The following FHIT variants were observed in gnomAD, a reference collection of about 807,000 sequenced individuals.
The protein encoded by FHIT is fragile histidine triad diadenosine triphosphatase, also known as bis(5'-adenosyl)-triphosphatase.
FHIT carries 19 observed loss-of-function variants against 17.9 expected under a neutral mutation model. The observed-to-expected ratio is 1.06, with a 90% CI of 0.74 to 1.56. The LOEUF is 1.56. Among genes scored for constraint, FHIT ranks in the 40% most tolerant of loss-of-function variants. FHIT has a pLI of 0.00. For synonymous variants in FHIT, 81 were observed against 69.7 expected (o/e 1.16, Z -0.81); for missense variants, 248 against 189.2 (o/e 1.31, Z -1.82).
chr3:60,569,755 A>ATATATATATATATATATATATTT, intron 4 of FHIT, among the ~76,000 whole-genome samples: 53 of 77,304 alleles, frequency 6.9e-4, no homozygotes, highest in African/African-American at 2.4e-3. Context: ...ATATATATAT[A>ATATATATATATATATATATATTT]TTTTTTTTTT....
At chr3:60,047,170 C>A (rs752209116) in intron 5 of FHIT, among the ~76,000 whole-genome samples, 6 of 152,204 alleles carry the variant, frequency 3.9e-5, no homozygotes, top group Non-Finnish European at 7.3e-5. Context: ...AGCAATACTG[C>A]CCTCTGGTTT....
At chr3:60,057,199 C>T (rs566330878) in intron 5 of FHIT, among the ~76,000 whole-genome samples, 1 of 152,262 alleles carries the variant, frequency 6.6e-6, no homozygotes, top group South Asian at 2.1e-4. Flanking sequence ...ATAAACCTTA[C>T]CACAAAACTT....
At chr3:60,773,959 C>A (rs1700131916) in intron 4 of FHIT, among the ~76,000 whole-genome samples, 1 of 152,140 alleles carries the variant, frequency 6.6e-6, no homozygotes, top group African/African-American at 2.4e-5. Context: ...TAAAACATTC[C>A]TACTGGATGG....
At chr3:59,941,006 G>A (rs1212913648) in intron 7 of FHIT, among the ~76,000 whole-genome samples, 1 of 152,134 alleles carries the variant, frequency 6.6e-6, no homozygotes, top group Non-Finnish European at 1.5e-5. Context: ...TCACGGCCAT[G>A]ATCCCAGCAT....
chr3:60,988,946 TAAAAAAAAAAAA>T (rs535898632), intron 3 of FHIT, among the ~76,000 whole-genome samples: 50 of 34,336 alleles, frequency 1.5e-3, no homozygotes, highest in Admixed American at 6.7e-3. Context: ...ATGGCTTTGT[TAAAAAAAAAAAA>T]AAAAAAAAAA....
intron 5 of FHIT, among the ~76,000 whole-genome samples, chr3:60,202,346 C>T (rs1045964455): frequency 7.6e-4 from 115 of 152,300 alleles, no homozygotes; most frequent in African/African-American, 2.7e-3. Flanking sequence ...GCATTTCCTG[C>T]AGGGGCAAAG....
intron 4 of FHIT, among the ~76,000 whole-genome samples, chr3:60,719,836 A>G (rs2041769630): frequency 1.3e-5 from 2 of 152,060 alleles, no homozygotes; most frequent in African/African-American, 4.8e-5. Context: ...CCACGCAAAT[A>G]TCCTTACCTG....
chr3:59,940,530 G>A (rs931322), intron 7 of FHIT, among the ~76,000 whole-genome samples: 64,296 of 151,858 alleles, frequency 0.42, 14,531 homozygotes, highest in East Asian at 0.89. Flanking sequence ...AACTTTGCTT[G>A]GGGAGGGAGA....
At chr3:60,159,750 G>A (rs1700855537) in intron 5 of FHIT, among the ~76,000 whole-genome samples, 1 of 152,166 alleles carries the variant, frequency 6.6e-6, no homozygotes, top group Non-Finnish European at 1.5e-5. Flanking sequence ...GGAAACTGAA[G>A]GACAAATGAG....
intron 5 of FHIT, among the ~76,000 whole-genome samples, chr3:60,409,717 G>A (rs542473685): frequency 9.2e-5 from 14 of 152,064 alleles, no homozygotes; most frequent in Non-Finnish European, 1.0e-4. Context: ...AAGTCATTTT[G>A]GAGTTAATCA....
chr3:60,315,371 C>G (rs970449937), intron 5 of FHIT, among the ~76,000 whole-genome samples: 2 of 152,142 alleles, frequency 1.3e-5, no homozygotes, highest in African/African-American at 2.4e-5. Context: ...ACACGAGTAA[C>G]CACCACCTAG....
At chr3:60,029,220 C>T (rs1205148020) in intron 5 of FHIT, among the ~76,000 whole-genome samples, 1 of 152,096 alleles carries the variant, frequency 6.6e-6, no homozygotes, top group Non-Finnish European at 1.5e-5. Context: ...GGTCATAGAA[C>T]AGTCATACGT....
intron 8 of FHIT, among the ~76,000 whole-genome samples, chr3:59,753,721 T>A (rs1701047507): frequency 2.0e-5 from 3 of 152,202 alleles, no homozygotes; most frequent in Admixed American, 2.0e-4. Context: ...CGTTTAATCC[T>A]TACAATAACT....
chr3:60,172,268 T>C (rs925579148), intron 5 of FHIT, among the ~76,000 whole-genome samples: 1 of 151,944 alleles, frequency 6.6e-6, no homozygotes, highest in African/African-American at 2.4e-5. Flanking sequence ...GTTTGTTTGT[T>C]TGTTTGTTTG....
intron 3 of FHIT, among the ~76,000 whole-genome samples, chr3:60,836,291 T>G (rs1293478295): frequency 6.6e-6 from 1 of 152,196 alleles, no homozygotes; most frequent in Non-Finnish European, 1.5e-5. Flanking sequence ...ACCAGCTTCC[T>G]AAAATGAATT....
intron 3 of FHIT, among the ~76,000 whole-genome samples, chr3:61,024,978 G>A (rs1395466399): frequency 2.6e-5 from 4 of 151,756 alleles, no homozygotes; most frequent in African/African-American, 9.7e-5. Context: ...ACATTACCTT[G>A]TCTATATCTA....
chr3:59,858,236 CTTTTTT>C (rs563841299), intron 8 of FHIT, among the ~76,000 whole-genome samples: 2,446 of 84,458 alleles, frequency 0.029, 22 homozygotes, highest in South Asian at 0.083. Flanking sequence ...TTCCCACCTT[CTTTTTT>C]TTTTTTTTTT....
intron 5 of FHIT, among the ~76,000 whole-genome samples, chr3:60,201,574 G>C (rs1702908204): frequency 6.6e-6 from 1 of 151,992 alleles, no homozygotes; most frequent in South Asian, 2.1e-4. Flanking sequence ...AAATGGAAGG[G>C]CCATCTAGAA....
At chr3:61,183,884 T>C (rs927905407) in intron 2 of FHIT, among the ~76,000 whole-genome samples, 21 of 152,026 alleles carry the variant, frequency 1.4e-4, no homozygotes, top group African/African-American at 4.4e-4. Flanking sequence ...CAAAGCATCA[T>C]GGGCAACTGT....
Sources: allele counts gnomAD v4.1 joint callset (sites outside exome capture counted in the v4.1 genomes callset), GRCh38; gene constraint gnomAD v4.1.1; transcripts MANE v1.5; gene names NCBI Gene and HGNC (gene_info 2026-07-23, HGNC 2026-07-21).